Variants in TPRG1 observed in about 807,000 individuals in gnomAD.
The protein encoded by TPRG1 is tumor protein p63 regulated 1, also known as tumor protein p63-regulated gene 1 protein.
TPRG1 carries 29 observed loss-of-function variants against 29.3 expected under a neutral mutation model. That is an observed-to-expected ratio of 0.99 (90% CI 0.74 to 1.35). TPRG1 has a LOEUF of 1.35. Ranked by LOEUF, TPRG1 falls within the 40% of genes most tolerant of loss-of-function variation. The probability of loss-of-function intolerance (pLI) is 0.00; values close to 1 mark genes in which losing one functional copy is unlikely to be tolerated. For missense variants in TPRG1, 327 were observed against 335.0 expected (o/e 0.98, Z 0.19); for synonymous variants, 130 against 116.8 (o/e 1.11, Z -0.73).
At chr3:189,048,369 G>T in intron 4 of TPRG1, among the ~76,000 whole-genome samples, 1 of 152,222 alleles carries the variant, frequency 6.6e-6, no homozygotes, top group African/African-American at 2.4e-5. Flanking sequence ...TATCAATCAG[G>T]CTTTTTGTTC....
At chr3:189,128,930 C>T (rs1253866473) in intron 2 of TPRG1, among the ~76,000 whole-genome samples, 3 of 152,232 alleles carry the variant, frequency 2.0e-5, no homozygotes, top group Non-Finnish European at 2.9e-5. Context: ...CTGCCGCACC[C>T]GGCCCAACTC....
At chr3:189,008,363 A>G (rs992343073) in intron 3 of TPRG1, among the ~76,000 whole-genome samples, 1 of 152,176 alleles carries the variant, frequency 6.6e-6, no homozygotes, top group Non-Finnish European at 1.5e-5. Context: ...CTCTTCATGC[A>G]CAGGCTGTAC....
chr3:189,123,737 G>T (rs775144650), intron 1 of TPRG1: 1 of 152,214 alleles, frequency 6.6e-6, no homozygotes, highest in African/African-American at 2.4e-5. Context: ...ACTCTATCAA[G>T]TCTCTCCTTG....
chr3:189,134,865 C>G (rs1723554174), intron 3 of TPRG1, among the ~76,000 whole-genome samples: 1 of 152,202 alleles, frequency 6.6e-6, no homozygotes. Context: ...TCTCTCCACT[C>G]TACCAGGCTG....
chr3:189,305,144 G>C (rs2109287356), intron 4 of TPRG1, among the ~76,000 whole-genome samples: 1 of 152,300 alleles, frequency 6.6e-6, no homozygotes, highest in Admixed American at 6.5e-5. Context: ...AGGTAGGTTA[G>C]TGCCTTAACA....
chr3:189,314,363 C>T (rs936179921), intron 5 of TPRG1, among the ~76,000 whole-genome samples: 7 of 152,034 alleles, frequency 4.6e-5, no homozygotes, highest in Admixed American at 3.3e-4. Flanking sequence ...CAGGAAGGTA[C>T]CCAAAGAAAG....
At chr3:189,243,817 T>C (rs953423536) in intron 4 of TPRG1, among the ~76,000 whole-genome samples, 1 of 152,218 alleles carries the variant, frequency 6.6e-6, no homozygotes, top group Non-Finnish European at 1.5e-5. Flanking sequence ...ATAACAAAAG[T>C]GACCTTTGCT....
At position 189,288,790 on chromosome 3, in the gene TPRG1, A is replaced by G. The variant is rs535451181; in HGVS notation, c.480-21596A>G. 3.9e-5 allele frequency among the ~76,000 whole-genome samples: 6 copies of G among 152,372 alleles called. No homozygotes were observed. The South Asian group carries it at 1.2e-3, about 32-fold the overall frequency. On this transcript the variant is annotated intron_variant, in intron 4 of 5. Coordinates refer to ENST00000345063, the MANE Select transcript of TPRG1 (RefSeq NM_198485.4). ...GTAAGGGCAGCTTGCTGCAAGGAAG[A>G]AAGAAATTACTCAGCTGTTACTGCA...
At chr3:189,055,209 C>A (rs921897068) in intron 4 of TPRG1, among the ~76,000 whole-genome samples, 26 of 152,174 alleles carry the variant, frequency 1.7e-4, no homozygotes, top group African/African-American at 6.3e-4. Flanking sequence ...CTAAAAGTAC[C>A]ACTGTCTTTC....
rs562012157 is a variant in TPRG1 at position 189,136,320 on chromosome 3, G to A, written c.-291+3623G>A. Among the ~76,000 whole-genome samples the A allele has an allele frequency of 2.7e-3, 410 of 152,256 alleles. 1 individual carries two copies. Among genetic ancestry groups the A allele is most frequent in the Non-Finnish European group, 3.8e-3 (261 of 68,032 alleles). ...TCAGTAGTAATTACTGATCCTTATG[G>A]AAGGGGACTTCTGGGGGTGGAGAAG... On this transcript the variant is annotated intron_variant, in intron 3 of 6. Coordinates refer to the TPRG1 transcript ENST00000412373.
intron 5 of TPRG1, among the ~76,000 whole-genome samples, chr3:189,164,060 T>A (rs1428114934): frequency 6.6e-6 from 1 of 152,166 alleles, no homozygotes; most frequent in Non-Finnish European, 1.5e-5. Context: ...AGTTGGGAAC[T>A]TTGCTACTTA....
intron 5 of TPRG1, among the ~76,000 whole-genome samples, chr3:189,156,226 G>A (rs1200697683): frequency 2.0e-5 from 3 of 152,088 alleles, no homozygotes; most frequent in Admixed American, 6.6e-5. Flanking sequence ...TTTGACGAGT[G>A]AAGAAGGGGC....
chr3:189,216,934 T>C (rs73889119), intron 3 of TPRG1, among the ~76,000 whole-genome samples: 7,487 of 152,310 alleles, frequency 0.049, 609 homozygotes, highest in African/African-American at 0.17. Context: ...AATCTGTTTC[T>C]ACACTGCATC....
rs1267338176 is a variant in TPRG1, at chr3:189,074,894, C to A, written c.-463+50948C>A. On this transcript the variant is annotated intron_variant, in intron 4 of 10. Transcript: ENST00000433971. ...TGGCGCGATCTCCGCTCACTGCAAG[C>A]TCCGCCTCCCGGGTTCCCGCCATTC... 3.3e-5 allele frequency among the ~76,000 whole-genome samples: 5 copies of A among 151,754 alleles called. No homozygotes were observed. In the East Asian group the frequency reaches 9.8e-4, roughly 30 times the overall value.
intron 4 of TPRG1, among the ~76,000 whole-genome samples, chr3:189,260,766 G>A (rs1318768310): frequency 6.6e-6 from 1 of 152,202 alleles, no homozygotes; most frequent in Non-Finnish European, 1.5e-5. Context: ...AGAGATGCTG[G>A]TGAAAGCAGC....
At chr3:189,200,042 C>T (rs565379983) in intron 1 of TPRG1, among the ~76,000 whole-genome samples, 17 of 152,226 alleles carry the variant, frequency 1.1e-4, no homozygotes, top group South Asian at 8.3e-4. Context: ...TCTGAGGGGA[C>T]GGCAAAAGAG....
At chr3:189,299,550 A>T (rs896998480) in intron 4 of TPRG1, among the ~76,000 whole-genome samples, 5 of 152,146 alleles carry the variant, frequency 3.3e-5, no homozygotes, top group African/African-American at 1.2e-4. Flanking sequence ...ATATAGACTA[A>T]TGAAAAATAA....
intron 1 of TPRG1, among the ~76,000 whole-genome samples, chr3:189,175,905 T>G (rs9851486): frequency 0.5 from 76,301 of 151,920 alleles, 19,436 homozygotes; most frequent in African/African-American, 0.58. Context: ...AGATTTTTTA[T>G]TACGTAACCT....
intron 1 of TPRG1, among the ~76,000 whole-genome samples, chr3:189,179,812 A>C (rs1729975043): frequency 1.3e-5 from 2 of 152,236 alleles, no homozygotes; most frequent in Admixed American, 6.5e-5. Context: ...TCACATAAGA[A>C]AAAGGGGGAG....
Sources: gnomAD v4.1 joint callset for allele counts (sites outside exome capture counted in the v4.1 genomes callset) on GRCh38, gnomAD v4.1.1 for gene constraint, MANE v1.5 for transcripts, NCBI Gene and HGNC (gene_info 2026-07-23, HGNC 2026-07-21) for gene names.